ACOXL: variants seen among roughly 807,000 people sequenced by gnomAD.
ACOXL encodes acyl-coenzyme A oxidase-like protein.
A neutral mutation model predicts 71.9 loss-of-function variants in ACOXL; 70 were observed. The ratio of observed to expected loss-of-function variants is 0.97; its 90% CI spans 0.80 to 1.19. ACOXL has a LOEUF of 1.19. Among genes scored for constraint, ACOXL ranks in the 50% most tolerant of loss-of-function variants. The pLI is 0.00. For missense variants in ACOXL, 703 were observed against 736.3 expected (o/e 0.95, Z 0.52); for synonymous variants, 253 against 281.6 (o/e 0.90, Z 1.02).
chr2:110,856,328 G>GT (rs1345481690), intron 10 of ACOXL, among the ~76,000 whole-genome samples: 3 of 152,090 alleles, frequency 2.0e-5, no homozygotes, highest in Non-Finnish European at 4.4e-5. Context: ...TTACCCACCC[G>GT]TTAGTCACTT....
rs369012703 is a variant in ACOXL, at chr2:110,908,951, C to G, written c.905+46C>G. 1.4e-5 allele frequency: 20 copies of G among 1,394,478 alleles called. No homozygotes were observed. The South Asian group carries it at 2.5e-4, about 18-fold the overall frequency. The allele number at this position is 1,394,478 out of a possible 1,614,324, so 86.4% of individuals were successfully genotyped here. On this transcript the variant is annotated intron_variant, in intron 11 of 17. Coordinates refer to ENST00000439055, the MANE Select transcript of ACOXL (RefSeq NM_001142807.4). ...TGCTCTCTTAGGGTAAGTGTGATAC[C>G]CTGGCATGAGTAAGAATTCAGAGCA...
At chr2:111,074,875 G>A (rs1005675254) in intron 16 of ACOXL, among the ~76,000 whole-genome samples, 4 of 152,130 alleles carry the variant, frequency 2.6e-5, no homozygotes, top group South Asian at 2.1e-4. Context: ...GACTACAAGC[G>A]TGACCCATCT....
chr2:110,935,962 A>G (rs2149350556), intron 12 of ACOXL, among the ~76,000 whole-genome samples: 1 of 152,156 alleles, frequency 6.6e-6, no homozygotes, highest in African/African-American at 2.4e-5. Flanking sequence ...TCACATGTGC[A>G]GTTCACAATA....
Position 111,046,631 on chromosome 2 carries a change from A to G in ACOXL, c.1370-2587A>G, listed in dbSNP as rs373999406. Among the ~76,000 whole-genome samples, 55 of 152,272 alleles carry G rather than the reference A, an allele frequency of 3.6e-4. No homozygotes were observed. In the East Asian group the frequency reaches 6.2e-3, roughly 17 times the overall value. ...TCAGATCTCATGAGAACTCACTATC[A>G]TGAGAACAGTATGGAGGGTAACCAC... On this transcript the variant is annotated intron_variant, in intron 15 of 17. Coordinates refer to ENST00000439055, the MANE Select transcript of ACOXL (RefSeq NM_001142807.4).
chr2:110,959,572 T>C (rs1474635556), intron 12 of ACOXL, among the ~76,000 whole-genome samples: 1 of 152,134 alleles, frequency 6.6e-6, no homozygotes, highest in Non-Finnish European at 1.5e-5. Context: ...GCCACACCTG[T>C]CCTGGTCTTT....
chr2:110,746,498 A>G (rs1471385772), intron 1 of ACOXL, among the ~76,000 whole-genome samples: 5 of 152,130 alleles, frequency 3.3e-5, no homozygotes, highest in East Asian at 1.9e-4. Context: ...ATGGACAAGT[A>G]AGTGCATGAG....
intron 11 of ACOXL, among the ~76,000 whole-genome samples, chr2:110,923,177 G>A (rs1007550624): frequency 6.6e-6 from 1 of 152,122 alleles, no homozygotes; most frequent in African/African-American, 2.4e-5. Flanking sequence ...CTGCGACAAC[G>A]TTCTGGTTTT....
chr2:110,793,152 T>C (rs1292148948), intron 3 of ACOXL, among the ~76,000 whole-genome samples: 2 of 152,214 alleles, frequency 1.3e-5, no homozygotes, highest in Non-Finnish European at 2.9e-5. Flanking sequence ...GGTGGGTAGC[T>C]GAAGTGGGAT....
intron 6 of ACOXL, 89 bp from the exon 7 acceptor site, chr2:110,798,925 T>C: frequency 1.4e-6 from 2 of 1,382,820 alleles, no homozygotes. Context: ...CTGAATGAGT[T>C]TGAGGATCAC....
intron 10 of ACOXL, among the ~76,000 whole-genome samples, chr2:110,873,672 C>T (rs1219204017): frequency 6.6e-6 from 1 of 152,144 alleles, no homozygotes; most frequent in African/African-American, 2.4e-5. Flanking sequence ...CCTCCCTGCT[C>T]ATCCCTCAAA....
At chr2:110,839,040 C>T (rs1690812657) in intron 9 of ACOXL, among the ~76,000 whole-genome samples, 1 of 152,198 alleles carries the variant, frequency 6.6e-6, no homozygotes, top group Admixed American at 6.5e-5. Flanking sequence ...GGAAAAGACT[C>T]ATAAAAACAC....
rs564227228 is a variant in ACOXL at position 110,859,332 on chromosome 2, T to C, written c.788+17927T>C. On this transcript the variant is annotated intron_variant, in intron 10 of 17. Coordinates refer to ENST00000439055, the MANE Select transcript of ACOXL (RefSeq NM_001142807.4). ...CGAGTGGTGGCTAGATGTGCTTTGT[T>C]TCGTGTGCTGTGCATTTCAGTGCTA... is the stretch of plus-strand genomic sequence containing the variant. Among the ~76,000 whole-genome samples, 21 of 152,276 alleles carry C rather than the reference T, an allele frequency of 1.4e-4. No individual in the cohort carries two copies. In the South Asian group the frequency reaches 2.9e-3, roughly 21 times the overall value.
chr2:110,880,153 C>CCAAAAAAAAA (rs1696451681), intron 10 of ACOXL, among the ~76,000 whole-genome samples: 1 of 84,738 alleles, frequency 1.2e-5, no homozygotes, highest in Admixed American at 1.4e-4. Flanking sequence ...CTGTCACAAA[C>CCAAAAAAAAA]AAAAAAAAAA....
intron 15 of ACOXL, among the ~76,000 whole-genome samples, chr2:111,037,983 GT>G (rs1320625134): frequency 6.6e-6 from 1 of 152,124 alleles, no homozygotes; most frequent in African/African-American, 2.4e-5. Context: ...AATGCTTCTT[GT>G]TTTTTTCTAT....
intron 17 of ACOXL, among the ~76,000 whole-genome samples, chr2:111,113,531 T>C (rs1454228616): frequency 6.6e-6 from 1 of 152,210 alleles, no homozygotes; most frequent in African/African-American, 2.4e-5. Flanking sequence ...CTTCATGCCT[T>C]TACCTGCCTG....
At chr2:110,897,257 A>G (rs552508652) in intron 10 of ACOXL, among the ~76,000 whole-genome samples, 10 of 152,360 alleles carry the variant, frequency 6.6e-5, no homozygotes, top group African/African-American at 2.4e-4. Context: ...GTAACACTAA[A>G]TGTGCTAAAT....
At chr2:111,097,024 T>G (rs1574752097) in intron 17 of ACOXL, among the ~76,000 whole-genome samples, 1 of 152,328 alleles carries the variant, frequency 6.6e-6, no homozygotes, top group East Asian at 1.9e-4. Flanking sequence ...GTCACCTGCC[T>G]GACCACCATC....
chr2:111,101,994 G>A (rs997985646), intron 17 of ACOXL: 2 of 152,630 alleles, frequency 1.3e-5, no homozygotes, highest in South Asian at 2.1e-4. Context: ...AGGACTCCTG[G>A]TTCACCACCT....
At chr2:110,842,767 CA>C (rs1336222898) in intron 10 of ACOXL, among the ~76,000 whole-genome samples, 2 of 152,104 alleles carry the variant, frequency 1.3e-5, no homozygotes, top group African/African-American at 2.4e-5. Flanking sequence ...TGGCCTGTAT[CA>C]GGGGCGGAGG....
Sources: allele counts gnomAD v4.1 joint callset (sites outside exome capture counted in the v4.1 genomes callset), GRCh38; gene constraint gnomAD v4.1.1; transcripts MANE v1.5; gene names NCBI Gene and HGNC (gene_info 2026-07-23, HGNC 2026-07-21).